Variants in ARHGAP25 observed in about 807,000 individuals in gnomAD.
The protein encoded by ARHGAP25 is rho GTPase-activating protein 25.
In ARHGAP25, 34 loss-of-function variants were observed where a neutral mutation model predicts 71.0. That is an observed-to-expected ratio of 0.48 (90% CI 0.36 to 0.64). ARHGAP25 has a LOEUF of 0.64. Among genes scored for constraint, ARHGAP25 ranks in the 30% least tolerant of loss-of-function variants. The probability of loss-of-function intolerance (pLI) is 0.00; values close to 1 mark genes in which losing one functional copy is unlikely to be tolerated. For missense variants in ARHGAP25, 706 were observed against 805.1 expected, an observed-to-expected ratio of 0.88 and a Z score of 1.49; for synonymous variants, 282 against 296.5, an observed-to-expected ratio of 0.95 and a Z score of 0.50.
In ARHGAP25 at chr2:68,826,097, A is replaced by G. The variant is rs763188753; in HGVS notation, c.1844A>G (p.Glu615Gly). ...AALEISLRNM[E>G]RSREDVEKRN... ...CTAGAGATCAGCCTCCGCAACATGG[A>G]GCGCTCCCGGGAGGATGTTGAGAAG... is the stretch of plus-strand genomic sequence containing the variant. Residue 615 changes from glutamate to glycine, a missense_variant, in exon 11 of 11, where the codon GAG becomes GGG. Physicochemically the swap from Glu to Gly is moderately conservative, Grantham distance 98. Coordinates refer to ENST00000409202, the MANE Select transcript of ARHGAP25 (RefSeq NM_001007231.3). The G allele has an allele frequency of 7.4e-6, 12 of 1,614,098 alleles. No individual in the cohort carries two copies. Among genetic ancestry groups the G allele is most frequent in the Middle Eastern group, 1.6e-4 (1 of 6,062 alleles).
rs960102288 is a variant in ARHGAP25, at chr2:68,753,817, G to A, written c.61+18557G>A. ...TGGAAACATTTGAAGGTCAGGAGGA[G>A]GTGAGAATGTCAGCTCTGTGTAACA... On this transcript the variant is annotated intron_variant, in intron 1 of 10. Transcript: ENST00000409202. 9.2e-5 allele frequency among the ~76,000 whole-genome samples: 14 copies of A among 152,052 alleles called. 2 individuals carry two copies. Among genetic ancestry groups the A allele is most frequent in the Admixed American group, 7.9e-4 (12 of 15,272 alleles).
chr2:68,804,492 C>G (rs1680224192), intron 4 of ARHGAP25, among the ~76,000 whole-genome samples: 1 of 152,230 alleles, frequency 6.6e-6, no homozygotes, highest in Non-Finnish European at 1.5e-5. Flanking sequence ...CTTTTACAGA[C>G]AAATAGAAAC....
At chr2:68,807,009 T>C (rs560388148) in intron 4 of ARHGAP25, among the ~76,000 whole-genome samples, 1 of 152,316 alleles carries the variant, frequency 6.6e-6, no homozygotes, top group Non-Finnish European at 1.5e-5. Flanking sequence ...GTGCAATTCC[T>C]AGCAAAAGAA....
At position 68,767,388 on chromosome 2, in the gene ARHGAP25, G is replaced by A. The variant is rs944056736; in HGVS notation, c.62-7833G>A. Among the ~76,000 whole-genome samples the A allele has an allele frequency of 1.6e-4, 24 of 152,012 alleles. No individual in the cohort carries two copies. Among genetic ancestry groups the A allele is most frequent in the Non-Finnish European group, 2.9e-5 (2 of 68,016 alleles). On this transcript the variant is annotated intron_variant, in intron 1 of 10. Transcript: ENST00000409202. This position sits in a 1 kb window ranked among gnomAD's most constrained non-coding sequence, Gnocchi z 4.6. ...GCCATCATCCCGCAGTCTGATAACA[G>A]GATAGGTGGGGGGTCTGCATGTATG...
At chr2:68,802,407 C>CAAAAAA (rs10688959) in intron 4 of ARHGAP25, among the ~76,000 whole-genome samples, 40 of 81,998 alleles carry the variant, frequency 4.9e-4, no homozygotes, top group East Asian at 1.0e-3. Flanking sequence ...GACTCCATCT[C>CAAAAAA]AAAAAAAAAA....
intron 4 of ARHGAP25, among the ~76,000 whole-genome samples, chr2:68,804,265 C>T (rs1002802981): frequency 6.6e-6 from 1 of 152,166 alleles, no homozygotes; most frequent in Non-Finnish European, 1.5e-5. Flanking sequence ...CTTCTCTGTG[C>T]ACATCCTTAC....
intron 4 of ARHGAP25, among the ~76,000 whole-genome samples, chr2:68,804,660 A>G (rs566176725): frequency 6.6e-6 from 1 of 152,320 alleles, no homozygotes; most frequent in Non-Finnish European, 1.5e-5. Flanking sequence ...TGTCTGTACA[A>G]CCCATTCCAT....
At chr2:68,822,266 C>A in intron 9 of ARHGAP25, 74 bp from the exon 10 acceptor site, 1 of 1,464,184 alleles carries the variant, frequency 6.8e-7, no homozygotes, top group East Asian at 2.3e-5. Context: ...TTTGGGGTCT[C>A]TAATCCATAC....
rs1675160533 is a variant in ARHGAP25, at chr2:68,735,375, G to C, written c.61+115G>C. ...TAAAAATGGATCTCGCAGCAAATCTGAGTTTGAGGGACCATTTGCATTTAA... is the reference window on the plus strand; with the variant it reads ...TAAAAATGGATCTCGCAGCAAATCTCAGTTTGAGGGACCATTTGCATTTAA... On this transcript the variant is annotated intron_variant, in intron 1 of 10. Transcript: ENST00000409202. 2.8e-6 allele frequency: 3 copies of C among 1,086,118 alleles called. No homozygotes were observed. The Admixed American group carries it at 5.7e-5, about 21-fold the overall frequency. 67.3% of individuals were successfully genotyped at this position (1,086,118 alleles called of 1,614,324 possible).
Position 68,816,450 on chromosome 2 carries a change from C to T in ARHGAP25, c.881+88C>T, listed in dbSNP as rs1363674281. ...GAAGAGGAGGGACCACGTCTGTGAA[C>T]AGAGAGATTCTGGTCTAGCACTTTG... On this transcript the variant is annotated intron_variant, in intron 7 of 10. Coordinates refer to ENST00000409202, the MANE Select transcript of ARHGAP25 (RefSeq NM_001007231.3). 4.7e-6 allele frequency: 5 copies of T among 1,061,552 alleles called. No homozygotes were observed. The East Asian group carries it at 7.2e-5, about 15-fold the overall frequency. 65.8% of individuals were successfully genotyped at this position (1,061,552 alleles called of 1,614,324 possible).
intron 1 of ARHGAP25, among the ~76,000 whole-genome samples, chr2:68,757,042 G>A (rs978900776): frequency 6.6e-6 from 1 of 151,828 alleles, no homozygotes; most frequent in African/African-American, 2.4e-5. Flanking sequence ...TTTAAAAGAG[G>A]GATTCAAAGG....
At chr2:68,810,784 C>T (rs1298958925) in intron 5 of ARHGAP25, among the ~76,000 whole-genome samples, 4 of 147,642 alleles carry the variant, frequency 2.7e-5, no homozygotes, top group African/African-American at 1.0e-4. Flanking sequence ...TGGTTTCACC[C>T]AGGCTAGAGT....
In ARHGAP25 at chr2:68,826,728, C is replaced by G. The variant is rs1351101799; in HGVS notation, c.*534C>G. 1 of 178,058 alleles carries G rather than the reference C, an allele frequency of 5.6e-6. No individual in the cohort carries two copies. The highest frequency in any genetic ancestry group is 2.4e-5 in the African/African-American group (1 of 42,016). 11.0% of individuals were successfully genotyped at this position (178,058 alleles called of 1,614,324 possible). A position where few individuals can be genotyped will look rare whatever the true frequency, so the allele number is the denominator to read the frequency against. On this transcript the variant is annotated 3_prime_UTR_variant, in exon 11 of 11. Transcript: ENST00000409202. ...CCAGGATGCCCATTCTCCAGGACTT[C>G]TCCAACTTACTATTAGACTAAACCA... is the stretch of plus-strand genomic sequence containing the variant.
intron 1 of ARHGAP25, among the ~76,000 whole-genome samples, chr2:68,770,368 A>G (rs1336366989): frequency 1.3e-5 from 2 of 152,236 alleles, no homozygotes; most frequent in East Asian, 3.8e-4. Context: ...TGCACAGCTC[A>G]TATCAACATA....
At chr2:68,793,518 T>G (rs186739445) in intron 4 of ARHGAP25, among the ~76,000 whole-genome samples, 75 of 152,296 alleles carry the variant, frequency 4.9e-4, no homozygotes, top group African/African-American at 1.8e-3. Flanking sequence ...CCAGAACCAC[T>G]TATTGAAAAG....
At chr2:68,789,036 CT>C (rs749666894) in intron 4 of ARHGAP25, among the ~76,000 whole-genome samples, 94 of 145,664 alleles carry the variant, frequency 6.5e-4, no homozygotes, top group Middle Eastern at 3.6e-3. Flanking sequence ...GAATCTTTTT[CT>C]TTTTTTTTTT....
intron 2 of ARHGAP25, among the ~76,000 whole-genome samples, chr2:68,717,203 T>G (rs1299651849): frequency 2.0e-5 from 3 of 152,156 alleles, no homozygotes; most frequent in African/African-American, 7.2e-5. Flanking sequence ...TCTAAACATA[T>G]CTAAACATAG....
At position 68,738,730 on chromosome 2, in the gene ARHGAP25, A is replaced by T. The variant is rs181955027; in HGVS notation, c.61+3470A>T. Among the ~76,000 whole-genome samples, 481 of 151,844 alleles carry T rather than the reference A, an allele frequency of 3.2e-3. 3 individuals are homozygous for T. Among genetic ancestry groups the T allele is most frequent in the African/African-American group, 0.011 (465 of 41,404 alleles). On this transcript the variant is annotated intron_variant, in intron 1 of 10. Coordinates refer to ENST00000409202, the MANE Select transcript of ARHGAP25 (RefSeq NM_001007231.3). ...CAGCTACTTGGGAGGCTGAGGCAGG[A>T]TAATTGCTTGAATCCGGGAGGCGGA...
chr2:68,797,008 G>A (rs952243534), intron 4 of ARHGAP25, among the ~76,000 whole-genome samples: 5 of 152,156 alleles, frequency 3.3e-5, no homozygotes, highest in Non-Finnish European at 5.9e-5. Context: ...AGGTAACAAC[G>A]AGCGGTGGGG....
Sources: gnomAD v4.1 joint callset for allele counts (sites outside exome capture counted in the v4.1 genomes callset) on GRCh38, gnomAD v4.1.1 for gene constraint, Gnocchi (gnomAD v3.1) non-coding constraint, MANE v1.5 for transcripts, NCBI Gene and HGNC (gene_info 2026-07-23, HGNC 2026-07-21) for gene names.